The following AKAP6 variants were observed in gnomAD, a reference collection of about 807,000 sequenced individuals.
The protein encoded by AKAP6 is A-kinase anchoring protein 6, also known as A-kinase anchor protein 6.
AKAP6 carries 58 observed loss-of-function variants against 188.5 expected under a neutral mutation model. That is an observed-to-expected ratio of 0.31 (90% confidence interval 0.25 to 0.38). The LOEUF (loss-of-function observed/expected upper bound fraction) is 0.38. Ranked by LOEUF, AKAP6 falls within the 10% of genes least tolerant of loss-of-function variation. The pLI is 1.00. For missense variants in AKAP6, 2,710 were observed against 2,740.0 expected (o/e 0.99, Z 0.24); for synonymous variants, 989 against 998.6 (o/e 0.99, Z 0.18).
At chr14:32,530,235 C>T (rs551799519) in intron 2 of AKAP6, among the ~76,000 whole-genome samples, 66 of 152,170 alleles carry the variant, frequency 4.3e-4, no homozygotes, top group African/African-American at 1.5e-3. Flanking sequence ...CTGTGTTGCC[C>T]AGGCTGGTCT....
chr14:32,817,827 A>G (rs2034426280), intron 12 of AKAP6, among the ~76,000 whole-genome samples: 1 of 152,178 alleles, frequency 6.6e-6, no homozygotes, highest in African/African-American at 2.4e-5. Flanking sequence ...CTTGAGCATT[A>G]TTGGTTGTGT....
At chr14:32,404,204 G>A (rs1431775939) in intron 1 of AKAP6, among the ~76,000 whole-genome samples, 2 of 152,102 alleles carry the variant, frequency 1.3e-5, no homozygotes, top group Non-Finnish European at 2.9e-5. Context: ...AGGAAAAAAT[G>A]AAATGCAAAG....
In AKAP6 at chr14:32,634,509, C is replaced by G. The variant is rs1887405661; in HGVS notation, c.2730+33717C>G. ...TTGTTTCCTGTGAATTAGGCTATCC[C>G]TGGTTCTAATCTTCTTGAAGGCAAA... On this transcript the variant is annotated intron_variant, in intron 7 of 13. Coordinates refer to ENST00000280979, the MANE Select transcript of AKAP6 (RefSeq NM_004274.5). 2.0e-5 allele frequency among the ~76,000 whole-genome samples: 3 copies of G among 152,000 alleles called. No individual in the cohort carries two copies. In the South Asian group the frequency reaches 6.2e-4, roughly 32 times the overall value.
rs144796534 is a variant in AKAP6 at position 32,425,887 on chromosome 14, A to G, written c.-34-7573A>G. ...TTTGTCAATTTTTGCTATTGTTGCA[A>G]TTGCTTTTGGTGTCTTCATCATGAA... On this transcript the variant is annotated intron_variant, in intron 1 of 13. Coordinates refer to ENST00000280979, the MANE Select transcript of AKAP6 (RefSeq NM_004274.5). Among the ~76,000 whole-genome samples the G allele has an allele frequency of 8.8e-4, 134 of 152,234 alleles. 2 individuals carry two copies. In the East Asian group the frequency reaches 0.021, roughly 24 times the overall value.
intron 1 of AKAP6, among the ~76,000 whole-genome samples, chr14:32,361,818 G>A (rs559119343): frequency 6.6e-6 from 1 of 152,264 alleles, no homozygotes; most frequent in South Asian, 2.1e-4. Flanking sequence ...AATCAGTGGG[G>A]TGTTGCTATC....
At chr14:32,648,572 A>G (rs1242941006) in intron 7 of AKAP6, among the ~76,000 whole-genome samples, 1 of 152,178 alleles carries the variant, frequency 6.6e-6, no homozygotes, top group Non-Finnish European at 1.5e-5. Flanking sequence ...AACTGACAGT[A>G]GAAACTGTAT....
chr14:32,340,114 T>C lies in AKAP6; in HGVS notation c.-35+10706T>C, dbSNP rs374963059. On this transcript the variant is annotated intron_variant, in intron 1 of 13. Coordinates refer to ENST00000280979, the MANE Select transcript of AKAP6 (RefSeq NM_004274.5). ...AGAAGGCAGTGTTCTGGTTATACCATAATCATAACAAGCTGAATAAGAAAA... is the reference window on the plus strand; with the variant it reads ...AGAAGGCAGTGTTCTGGTTATACCACAATCATAACAAGCTGAATAAGAAAA... Among the ~76,000 whole-genome samples, 10 of 152,070 alleles carry C rather than the reference T, an allele frequency of 6.6e-5. No homozygotes were observed. The East Asian group carries it at 1.7e-3, about 26-fold the overall frequency.
At chr14:32,578,750 G>A (rs997069884) in intron 5 of AKAP6, among the ~76,000 whole-genome samples, 1 of 151,508 alleles carries the variant, frequency 6.6e-6, no homozygotes, top group African/African-American at 2.4e-5. Context: ...GAGGGCACAA[G>A]GGCATGAAGA....
chr14:32,406,700 G>A (rs1457328465), intron 1 of AKAP6, among the ~76,000 whole-genome samples: 2 of 151,890 alleles, frequency 1.3e-5, no homozygotes, highest in Admixed American at 6.6e-5. Context: ...CTATACCCTG[G>A]GCACAGCAAA....
chr14:32,365,000 C>T (rs969769569), intron 1 of AKAP6, among the ~76,000 whole-genome samples: 3 of 152,106 alleles, frequency 2.0e-5, no homozygotes, highest in Non-Finnish European at 4.4e-5. Flanking sequence ...CCTTACTTTA[C>T]ATAAGAGGAA....
intron 13 of AKAP6, among the ~76,000 whole-genome samples, chr14:32,828,529 TCACACA>T (rs55957852): frequency 0.046 from 3,467 of 75,784 alleles, 121 homozygotes; most frequent in African/African-American, 0.12. Flanking sequence ...TCTCTCTCTC[TCACACA>T]CACACACACA....
intron 2 of AKAP6, among the ~76,000 whole-genome samples, chr14:32,473,083 C>A (rs1247728599): frequency 6.6e-6 from 1 of 152,140 alleles, no homozygotes; most frequent in Non-Finnish European, 1.5e-5. Flanking sequence ...AATGTTGGAG[C>A]TATAATGTGA....
intron 1 of AKAP6, among the ~76,000 whole-genome samples, chr14:32,336,659 C>G (rs928208637): frequency 2.0e-5 from 3 of 152,156 alleles, no homozygotes; most frequent in Non-Finnish European, 4.4e-5. Context: ...TGTGGAGGCT[C>G]TCTCATCTTC....
chr14:32,526,566 G>C (rs555207239), intron 2 of AKAP6, among the ~76,000 whole-genome samples: 23 of 152,260 alleles, frequency 1.5e-4, no homozygotes, highest in African/African-American at 5.5e-4. Context: ...CTTTTGTAGA[G>C]ATGGGTTTTT....
At chr14:32,554,070 C>A in intron 4 of AKAP6, among the ~76,000 whole-genome samples, 1 of 152,248 alleles carries the variant, frequency 6.6e-6, no homozygotes, top group Non-Finnish European at 1.5e-5. Flanking sequence ...ATTAACTTAG[C>A]ATGATACCTG....
intron 2 of AKAP6, among the ~76,000 whole-genome samples, chr14:32,513,949 C>T (rs1408724448): frequency 6.6e-6 from 1 of 151,406 alleles, no homozygotes; most frequent in Non-Finnish European, 1.5e-5. Context: ...CATTTTTTTT[C>T]ATTATGTGGA....
chr14:32,774,048 C>G, intron 12 of AKAP6, 155 bp downstream of exon 12: 2 of 723,506 alleles, frequency 2.8e-6, no homozygotes, highest in South Asian at 3.4e-5. Context: ...CTAACTAAAG[C>G]TCATAGTTTT....
intron 5 of AKAP6, among the ~76,000 whole-genome samples, chr14:32,584,935 G>C (rs989439827): frequency 6.6e-6 from 1 of 151,730 alleles, no homozygotes; most frequent in Admixed American, 6.6e-5. Context: ...CTTTTTTATT[G>C]CCTTAAGAAA....
At chr14:32,675,393 T>A (rs1296849149) in intron 7 of AKAP6, among the ~76,000 whole-genome samples, 1 of 152,232 alleles carries the variant, frequency 6.6e-6, no homozygotes, top group African/African-American at 2.4e-5. Context: ...GTGTAAAATA[T>A]AGTCACTTTT....
Sources: allele counts gnomAD v4.1 joint callset (sites outside exome capture counted in the v4.1 genomes callset), GRCh38; gene constraint gnomAD v4.1.1; transcripts MANE v1.5; gene names NCBI Gene and HGNC (gene_info 2026-07-23, HGNC 2026-07-21).